The following PDE3A variants were observed in gnomAD, a reference collection of about 807,000 sequenced individuals.
PDE3A encodes phosphodiesterase 3A, also known as cGMP-inhibited 3',5'-cyclic phosphodiesterase 3A.
In PDE3A, 43 loss-of-function variants were observed where a neutral mutation model predicts 98.3. The observed-to-expected ratio is 0.44, with a 90% confidence interval of 0.34 to 0.56. The LOEUF (loss-of-function observed/expected upper bound fraction) is 0.56, where lower values mean the gene tolerates loss of function less well. Ranked by LOEUF, PDE3A falls within the 20% of genes least tolerant of loss-of-function variation. The pLI is 0.01. For missense variants in PDE3A, 1,427 were observed against 1,440.7 expected (o/e 0.99, Z 0.15); for synonymous variants, 663 against 567.9 (o/e 1.17, Z -2.38).
chr12:20,409,727 G>A (rs1401460838), intron 1 of PDE3A, among the ~76,000 whole-genome samples: 2 of 152,130 alleles, frequency 1.3e-5, no homozygotes, highest in Non-Finnish European at 2.9e-5. Context: ...ATGAAAGAGA[G>A]CTCACCACAA....
At chr12:20,441,365 T>C (rs1279747737) in intron 1 of PDE3A, among the ~76,000 whole-genome samples, 1 of 152,106 alleles carries the variant, frequency 6.6e-6, no homozygotes, top group African/African-American at 2.4e-5. Context: ...AAAGACGTAG[T>C]CGAAGGCAAC....
chr12:20,385,686 A>G (rs1444444821), intron 1 of PDE3A, among the ~76,000 whole-genome samples: 2 of 151,442 alleles, frequency 1.3e-5, no homozygotes, highest in African/African-American at 4.9e-5. Flanking sequence ...AACTATCGCA[A>G]GGACAAAAAA....
At position 20,590,052 on chromosome 12, in the gene PDE3A, T is replaced by C. The variant is rs142804431; in HGVS notation, c.1012-23391T>C. Among the ~76,000 whole-genome samples, 465 of 152,198 alleles carry C rather than the reference T, an allele frequency of 3.1e-3. 7 individuals carry two copies. The highest frequency in any genetic ancestry group is 0.027 in the Admixed American group (411 of 15,274). On this transcript the variant is annotated intron_variant, in intron 2 of 15. Coordinates refer to ENST00000359062, the MANE Select transcript of PDE3A (RefSeq NM_000921.5). ...CGTATTACATGGATGTGAAGGCCAC[T>C]GGCTTGAGTGATGGACAAACCTAGA... is the stretch of plus-strand genomic sequence containing the variant.
chr12:20,442,334 C>T (rs1944883488), intron 1 of PDE3A, among the ~76,000 whole-genome samples: 1 of 152,126 alleles, frequency 6.6e-6, no homozygotes, highest in Non-Finnish European at 1.5e-5. Flanking sequence ...TGGCTTACAA[C>T]AAAAAAGATT....
At chr12:20,458,983 A>G (rs1404222070) in intron 1 of PDE3A, among the ~76,000 whole-genome samples, 2 of 152,186 alleles carry the variant, frequency 1.3e-5, no homozygotes, top group Non-Finnish European at 2.9e-5. Context: ...TAAGGGTATA[A>G]AAATATGTAA....
Position 20,522,208 on chromosome 12 carries a change from C to T in PDE3A, c.961-34452C>T, listed in dbSNP as rs890382859. On this transcript the variant is annotated intron_variant, in intron 1 of 15. Transcript: ENST00000359062. ...TCACGTCTGCTCTCTCATGTGCTTGCGATACAGTGACCATCAACACAAGGG... is the reference window on the plus strand; with the variant it reads ...TCACGTCTGCTCTCTCATGTGCTTGTGATACAGTGACCATCAACACAAGGG... 5.3e-5 allele frequency among the ~76,000 whole-genome samples: 8 copies of T among 152,124 alleles called. No individual in the cohort carries two copies. In the South Asian group the frequency reaches 8.3e-4, roughly 16 times the overall value.
chr12:20,387,038 C>G (rs949538594), intron 1 of PDE3A, among the ~76,000 whole-genome samples: 30 of 151,988 alleles, frequency 2.0e-4, no homozygotes, highest in African/African-American at 7.2e-4. Context: ...GAATCCTTTG[C>G]CCATTGCTTG....
intron 2 of PDE3A, among the ~76,000 whole-genome samples, chr12:20,561,840 C>T (rs1942530932): frequency 6.6e-6 from 1 of 152,154 alleles, no homozygotes; most frequent in South Asian, 2.1e-4. Flanking sequence ...CAAATTCCAA[C>T]CCTTAATTGC....
intron 1 of PDE3A, among the ~76,000 whole-genome samples, chr12:20,399,184 T>C (rs1200226014): frequency 6.6e-6 from 1 of 152,212 alleles, no homozygotes; most frequent in Non-Finnish European, 1.5e-5. Flanking sequence ...AATATTCCAT[T>C]ATATACGTAT....
intron 2 of PDE3A, among the ~76,000 whole-genome samples, chr12:20,567,170 T>G (rs1316351750): frequency 6.6e-6 from 1 of 152,032 alleles, no homozygotes; most frequent in African/African-American, 2.4e-5. Flanking sequence ...AGTGAATTTT[T>G]AATTAATATT....
At chr12:20,543,205 G>C (rs1941965113) in intron 1 of PDE3A, among the ~76,000 whole-genome samples, 1 of 150,808 alleles carries the variant, frequency 6.6e-6, no homozygotes, top group South Asian at 2.1e-4. Context: ...TTTTATTGTG[G>C]TTATTTTATA....
chr12:20,551,011 A>G (rs1445321457), intron 1 of PDE3A, among the ~76,000 whole-genome samples: 6 of 150,366 alleles, frequency 4.0e-5, no homozygotes, highest in African/African-American at 1.5e-4. Context: ...GTGTGTAAAT[A>G]TATATATACA....
intron 1 of PDE3A, among the ~76,000 whole-genome samples, chr12:20,520,489 G>T (rs957203812): frequency 6.6e-6 from 1 of 152,188 alleles, no homozygotes; most frequent in African/African-American, 2.4e-5. Context: ...AATTCACCAT[G>T]AGTAGTCAGC....
At chr12:20,623,963 T>C (rs1944199919) in intron 5 of PDE3A, among the ~76,000 whole-genome samples, 1 of 152,142 alleles carries the variant, frequency 6.6e-6, no homozygotes, top group African/African-American at 2.4e-5. Flanking sequence ...GAATAGTTTT[T>C]ATAAGATTTT....
In PDE3A at chr12:20,369,290, A is replaced by G. The variant is rs912785927; in HGVS notation, c.6A>G (p.Ala2=). M[A]VPGDAARVRD... ...TGAAGAGGGCACCCTATACCATGGCAGTGCCCGGCGACGCTGCACGAGTCA... is the reference window on the plus strand; with the variant it reads ...TGAAGAGGGCACCCTATACCATGGCGGTGCCCGGCGACGCTGCACGAGTCA... Residue 2 remains alanine (A), a synonymous_variant, in exon 1 of 16, where the codon GCA becomes GCG. Transcript: ENST00000359062. 2 of 1,516,732 alleles carry G rather than the reference A, an allele frequency of 1.3e-6. No individual in the cohort carries two copies. Among genetic ancestry groups the G allele is most frequent in the Non-Finnish European group, 1.8e-6 (2 of 1,127,786 alleles). 94.0% of individuals were successfully genotyped at this position (1,516,732 alleles called of 1,614,324 possible). A position where few individuals can be genotyped will look rare whatever the true frequency, so the allele number is the denominator to read the frequency against.
At chr12:20,503,247 T>C (rs1198315968) in intron 1 of PDE3A, among the ~76,000 whole-genome samples, 2 of 152,074 alleles carry the variant, frequency 1.3e-5, no homozygotes, top group African/African-American at 4.8e-5. Flanking sequence ...GAATACTAGA[T>C]AATACTAATA....
At chr12:20,674,754 T>A (rs1233490664) in intron 15 of PDE3A, among the ~76,000 whole-genome samples, 1 of 152,160 alleles carries the variant, frequency 6.6e-6, no homozygotes, top group Non-Finnish European at 1.5e-5. Flanking sequence ...CAAAATAGTC[T>A]CTGATACTTT....
At chr12:20,674,520 C>T (rs1340711860) in intron 15 of PDE3A, among the ~76,000 whole-genome samples, 3 of 152,110 alleles carry the variant, frequency 2.0e-5, no homozygotes, top group Middle Eastern at 3.2e-3. Flanking sequence ...TTATCAAATG[C>T]TTTTTCTGCA....
chr12:20,421,818 T>C (rs1234215056), intron 1 of PDE3A, among the ~76,000 whole-genome samples: 1 of 152,022 alleles, frequency 6.6e-6, no homozygotes, highest in East Asian at 1.9e-4. Context: ...AAAACATAGA[T>C]TGGTAATGAG....
Sources: allele counts gnomAD v4.1 joint callset (sites outside exome capture counted in the v4.1 genomes callset), GRCh38; gene constraint gnomAD v4.1.1; transcripts MANE v1.5; gene names NCBI Gene and HGNC (gene_info 2026-07-23, HGNC 2026-07-21).